Variants in PITRM1 observed in about 807,000 individuals in gnomAD.
The protein encoded by PITRM1 is presequence protease, mitochondrial.
In PITRM1, 100 loss-of-function variants were observed where a neutral mutation model predicts 129.9. That is an observed-to-expected ratio of 0.77 (90% CI 0.65 to 0.91). The LOEUF (loss-of-function observed/expected upper bound fraction) is 0.91. Among genes scored for constraint, PITRM1 ranks in the 40% least tolerant of loss-of-function variants. PITRM1 has a pLI of 0.00. For synonymous variants in PITRM1, 591 were observed against 508.8 expected, an observed-to-expected ratio of 1.16 and a Z score of -2.17; for missense variants, 1,471 against 1,318.3, an observed-to-expected ratio of 1.12 and a Z score of -1.79.
Position 3,142,962 on chromosome 10 carries a change from T to C in PITRM1, c.2645+427A>G, listed in dbSNP as rs76330587. On this transcript the variant is annotated intron_variant, in intron 23 of 26. Transcript: ENST00000224949. ...GCTCTCCGGGTCACCTCCCACTCTTTCCCTTGTAGCTTCGTGTCTTGATCT... is the reference window on the plus strand; with the variant it reads ...GCTCTCCGGGTCACCTCCCACTCTTCCCCTTGTAGCTTCGTGTCTTGATCT... 852 of 164,956 alleles carry C rather than the reference T, an allele frequency of 5.2e-3. 25 individuals are homozygous for C. Among genetic ancestry groups the C allele is most frequent in the Admixed American group, 0.044 (739 of 16,716 alleles). The allele number at this position is 164,956 out of a possible 1,614,324, so 10.2% of individuals were successfully genotyped here. A position where few individuals can be genotyped will look rare whatever the true frequency, so the allele number is the denominator to read the frequency against.
rs982151200 is a variant in PITRM1, at chr10:3,139,015, C to T, written c.2806G>A (p.Gly936Arg). ...GACTTAGCCCAGTCGACAGCCTTCCCAAAAGACTGGAGCGTCTCTATTGTA... is the reference window on the plus strand; with the variant it reads ...GACTTAGCCCAGTCGACAGCCTTCCTAAAAGACTGGAGCGTCTCTATTGTA... ...PNTIETLQSF[G>R]KAVDWAKSGK... The change falls in exon 25 of 27, where the codon GGG becomes AGG. Residue 936 changes from glycine (G) to arginine (R), a missense_variant. By Grantham distance (125) the Gly-to-Arg change is moderately radical (BLOSUM62 -2). Transcript: ENST00000224949. The T allele has an allele frequency of 1.9e-6, 3 of 1,613,812 alleles. No individual in the cohort carries two copies. The highest frequency in any genetic ancestry group is 2.5e-6 in the Non-Finnish European group (3 of 1,179,822).
At chr10:3,148,093 A>G in intron 17 of PITRM1, 30 bp from the exon 18 acceptor site, 1 of 1,613,716 alleles carries the variant, frequency 6.2e-7, no homozygotes. Flanking sequence ...GAAGAAAGGA[A>G]TTAGGGCCGA....
chr10:3,147,493 A>G, intron 19 of PITRM1, 79 bp downstream of exon 19: 2 of 1,421,516 alleles, frequency 1.4e-6, no homozygotes, highest in Non-Finnish European at 2.0e-6. Context: ...GACATAAATT[A>G]ATGTATTCCC....
intron 7 of PITRM1, chr10:3,163,080 G>A (rs1384235202): frequency 1.3e-5 from 2 of 152,116 alleles, no homozygotes; most frequent in Non-Finnish European, 2.9e-5. Flanking sequence ...CAAGGGAAAG[G>A]ATATCTATTA....
intron 16 of PITRM1, 34 bp from the exon 17 acceptor site, chr10:3,148,325 AG>A: frequency 6.4e-7 from 1 of 1,563,092 alleles, no homozygotes; most frequent in Non-Finnish European, 8.6e-7. Context: ...CCCGATTACA[AG>A]TCAGTCTTTA....
chr10:3,170,759 G>T (rs562913527), intron 1 of PITRM1, among the ~76,000 whole-genome samples: 1 of 152,104 alleles, frequency 6.6e-6, no homozygotes, highest in African/African-American at 2.4e-5. Context: ...ACTTTGGGAG[G>T]CCTGGGTGGG....
rs553610606 is a variant in PITRM1, at chr10:3,147,413, G to C, written c.2235+159C>G. ...ACTGGGATGCAGGGTGGTACAAAGA[G>C]GAAGATGAGTCAAAACCAACCAACC... is the stretch of plus-strand genomic sequence containing the variant. On this transcript the variant is annotated intron_variant, in intron 19 of 26. Transcript: ENST00000224949. 6 of 977,440 alleles carry C rather than the reference G, an allele frequency of 6.1e-6. No individual in the cohort carries two copies. In the African/African-American group the frequency reaches 8.0e-5, roughly 13 times the overall value. 60.5% of individuals were successfully genotyped at this position (977,440 alleles called of 1,614,324 possible). A position where few individuals can be genotyped will look rare whatever the true frequency, so the allele number is the denominator to read the frequency against.
chr10:3,159,014 A>C lies in PITRM1; in HGVS notation c.1036T>G (p.Leu346Val). ...DITDTFEAFT[L>V]SLLSSLLTSG... ...GTCAAGAGTGAAGACAGAAGACTTA[A>C]TGTGAAGGCTTCAAATGTGTCGGTG... The change falls in exon 10 of 27, where the codon TTA becomes GTA. Residue 346 changes from leucine to valine, a missense_variant. Leu to Val is a conservative substitution (Grantham distance 32). Coordinates refer to ENST00000224949, the MANE Select transcript of PITRM1 (RefSeq NM_014889.4). The C allele has an allele frequency of 6.2e-7, 1 of 1,613,538 alleles. No homozygotes were observed. Among genetic ancestry groups the C allele is most frequent in the Non-Finnish European group, 8.5e-7 (1 of 1,179,624 alleles).
chr10:3,145,782 T>C, intron 20 of PITRM1, 66 bp from the exon 21 acceptor site: 2 of 1,206,316 alleles, frequency 1.7e-6, no homozygotes, highest in Non-Finnish European at 2.4e-6. Context: ...ATTCATCACA[T>C]TTTGTATAAC....
Position 3,139,069 on chromosome 10 carries a change from A to T in PITRM1, c.2772-20T>A. The T allele has an allele frequency of 6.2e-7, 1 of 1,611,138 alleles. No homozygotes were observed. Among genetic ancestry groups the T allele is most frequent in the Non-Finnish European group, 8.5e-7 (1 of 1,178,604 alleles). ...GGGTCCCTAGGAAACCCAGAGAAAT[A>T]AACGGGCAAGCATTTTACCAGTGGA... is the stretch of plus-strand genomic sequence containing the variant. On this transcript the variant is annotated intron_variant, in intron 24 of 26. Coordinates refer to ENST00000224949, the MANE Select transcript of PITRM1 (RefSeq NM_014889.4).
intron 16 of PITRM1, 75 bp downstream of exon 16, chr10:3,149,546 C>G: frequency 7.3e-7 from 1 of 1,373,948 alleles, no homozygotes. Context: ...GTAATTCCTA[C>G]TGATGCATTA....
At chr10:3,170,064 G>A in intron 2 of PITRM1, 40 bp downstream of exon 2, 1 of 1,437,434 alleles carries the variant, frequency 7.0e-7, no homozygotes. Flanking sequence ...CACCTGCAAT[G>A]TATGTGGATT....
chr10:3,171,442 G>C (rs953093393), intron 1 of PITRM1, among the ~76,000 whole-genome samples: 4 of 151,770 alleles, frequency 2.6e-5, no homozygotes, highest in Admixed American at 2.6e-4. Flanking sequence ...CTTGGTCACA[G>C]GGACACTAAT....
intron 1 of PITRM1, among the ~76,000 whole-genome samples, chr10:3,171,892 A>G (rs940242381): frequency 2.0e-5 from 3 of 152,234 alleles, no homozygotes; most frequent in Non-Finnish European, 4.4e-5. Flanking sequence ...CAATTGTATT[A>G]TATGTCGTAT....
chr10:3,148,146 C>T, intron 17 of PITRM1, 25 bp downstream of exon 17: 1 of 1,613,874 alleles, frequency 6.2e-7, no homozygotes, highest in Non-Finnish European at 8.5e-7. Context: ...CCCACCGCAG[C>T]AGTCGTCTGA....
intron 7 of PITRM1, among the ~76,000 whole-genome samples, chr10:3,161,447 T>C (rs1842434444): frequency 6.6e-6 from 1 of 152,210 alleles, no homozygotes; most frequent in African/African-American, 2.4e-5. Flanking sequence ...TGGTTAAGGT[T>C]TGGGAAACTA....
intron 7 of PITRM1, among the ~76,000 whole-genome samples, chr10:3,162,796 C>A (rs1266076301): frequency 6.6e-6 from 1 of 152,258 alleles, no homozygotes; most frequent in Non-Finnish European, 1.5e-5. Flanking sequence ...TGGGCCTGCA[C>A]ACTCCTCTGC....
At chr10:3,171,491 T>G (rs965901028) in intron 1 of PITRM1, among the ~76,000 whole-genome samples, 1 of 152,186 alleles carries the variant, frequency 6.6e-6, no homozygotes, top group African/African-American at 2.4e-5. Context: ...TTGCCCAGGC[T>G]GGAGTGCAGC....
chr10:3,150,780 G>A (rs898609699), intron 15 of PITRM1, among the ~76,000 whole-genome samples: 2 of 152,260 alleles, frequency 1.3e-5, no homozygotes, highest in Middle Eastern at 3.4e-3. Flanking sequence ...GCCAAGGAAC[G>A]AAATGCCAGG....
Sources: allele counts gnomAD v4.1 joint callset (sites outside exome capture counted in the v4.1 genomes callset), GRCh38; gene constraint gnomAD v4.1.1; transcripts MANE v1.5; gene names NCBI Gene and HGNC (gene_info 2026-07-23, HGNC 2026-07-21).